Variants in LYPLA1 observed in about 807,000 individuals in gnomAD.
LYPLA1 encodes acyl-protein thioesterase 1.
In LYPLA1, 17 loss-of-function variants were observed where a neutral mutation model predicts 34.0. The ratio of observed to expected loss-of-function variants is 0.50; its 90% CI spans 0.34 to 0.75. LYPLA1 has a LOEUF of 0.75. LYPLA1 is among the 30% of genes least tolerant of loss of function. LYPLA1 has a pLI of 0.01. For synonymous variants in LYPLA1, 98 were observed against 100.8 expected (o/e 0.97, Z 0.17); for missense variants, 203 against 288.8 (o/e 0.70, Z 2.15).
intron 2 of LYPLA1, among the ~76,000 whole-genome samples, chr8:54,100,031 T>C (rs1475590684): frequency 1.3e-5 from 2 of 152,170 alleles, no homozygotes; most frequent in African/African-American, 4.8e-5. Context: ...GGCTACTTTA[T>C]CAAAATTTAT....
chr8:54,043,283 TTTTTTA>T (rs1358305206), downstream of LYPLA1: 2 of 151,994 alleles, frequency 1.3e-5, no homozygotes, highest in African/African-American at 2.4e-5. Context: ...CAAATCTGCA[TTTTTTA>T]TTTTTGAGAC....
At chr8:54,073,233 G>C (rs1481267375) in intron 2 of LYPLA1, 5 of 844,362 alleles carry the variant, frequency 5.9e-6, no homozygotes, top group East Asian at 4.9e-5. Context: ...AGGACAGTAA[G>C]GAACTAAACA....
intron 2 of LYPLA1, among the ~76,000 whole-genome samples, chr8:54,067,996 AT>A (rs1182018145): frequency 6.6e-6 from 1 of 151,990 alleles, no homozygotes; most frequent in Middle Eastern, 3.2e-3. Flanking sequence ...CCCCTGTTAA[AT>A]ACTTTTCTAT....
chr8:54,043,447 T>C (rs572951770), downstream of LYPLA1, among the ~76,000 whole-genome samples: 354 of 151,984 alleles, frequency 2.3e-3, no homozygotes, highest in African/African-American at 8.1e-3. Context: ...GGCTAATTTT[T>C]GTATTTTTAG....
At chr8:54,088,316 A>T (rs892379174) in intron 2 of LYPLA1, among the ~76,000 whole-genome samples, 6 of 152,242 alleles carry the variant, frequency 3.9e-5, no homozygotes, top group African/African-American at 1.4e-4. Flanking sequence ...GAAAATCTTT[A>T]AAGAGGGACC....
At chr8:54,101,647 G>C in intron 1 of LYPLA1, 108 bp downstream of exon 1, 2 of 1,157,388 alleles carry the variant, frequency 1.7e-6, no homozygotes, top group Non-Finnish European at 2.1e-6. Context: ...CGGGAGGAGC[G>C]TCCTCGTCCG....
intron 3 of LYPLA1, among the ~76,000 whole-genome samples, chr8:54,065,024 A>G (rs1412073283): frequency 6.6e-6 from 1 of 152,164 alleles, no homozygotes; most frequent in Non-Finnish European, 1.5e-5. Flanking sequence ...CAGAATTCAA[A>G]ACAATACCTA....
intron 6 of LYPLA1, chr8:54,053,301 T>G: frequency 4.3e-6 from 1 of 234,450 alleles, no homozygotes; most frequent in Non-Finnish European, 8.7e-6. Context: ...TCCATGTTGG[T>G]TAGGCTGGTC....
At chr8:54,094,872 A>C (rs536180635) in intron 2 of LYPLA1, among the ~76,000 whole-genome samples, 19 of 152,358 alleles carry the variant, frequency 1.2e-4, no homozygotes, top group South Asian at 6.2e-4. Flanking sequence ...ATCAAAATAA[A>C]TAACTAACTT....
intron 2 of LYPLA1, chr8:54,100,317 C>G (rs1810023423): frequency 6.5e-6 from 1 of 152,776 alleles, no homozygotes; most frequent in African/African-American, 2.4e-5. Flanking sequence ...CAACTGCACT[C>G]CAGCCTGGGC....
chr8:54,077,514 G>T (rs1807995188), intron 2 of LYPLA1, among the ~76,000 whole-genome samples: 1 of 152,136 alleles, frequency 6.6e-6, no homozygotes, highest in African/African-American at 2.4e-5. Context: ...TAAAAAAGTA[G>T]TCTGGGCACG....
At chr8:54,070,142 C>T (rs559681438) in intron 2 of LYPLA1, among the ~76,000 whole-genome samples, 27 of 152,138 alleles carry the variant, frequency 1.8e-4, no homozygotes, top group African/African-American at 2.9e-4. Flanking sequence ...AGGTCTATAC[C>T]GAAGAATAGT....
At chr8:54,075,871 G>A (rs1226548226) in intron 2 of LYPLA1, among the ~76,000 whole-genome samples, 2 of 152,170 alleles carry the variant, frequency 1.3e-5, no homozygotes, top group East Asian at 3.9e-4. Context: ...TAGGAAGATT[G>A]CACTGCAGAA....
At chr8:54,087,009 A>G (rs1272300702) in intron 2 of LYPLA1, among the ~76,000 whole-genome samples, 1 of 152,188 alleles carries the variant, frequency 6.6e-6, no homozygotes, top group Non-Finnish European at 1.5e-5. Context: ...AATAAATACA[A>G]TACACCATTT....
At chr8:54,056,743 T>C (rs1251963897) in intron 5 of LYPLA1, among the ~76,000 whole-genome samples, 1 of 152,142 alleles carries the variant, frequency 6.6e-6, no homozygotes, top group African/African-American at 2.4e-5. Flanking sequence ...TGAAACCCCG[T>C]ATCTACTACA....
chr8:54,048,383 G>A (rs1805617878), intron 8 of LYPLA1, among the ~76,000 whole-genome samples: 1 of 152,120 alleles, frequency 6.6e-6, no homozygotes, highest in Non-Finnish European at 1.5e-5. Context: ...GACACTGGGG[G>A]GCAGGGAAGT....
chr8:54,101,515 G>A (rs1810151412), intron 1 of LYPLA1: 5 of 1,134,646 alleles, frequency 4.4e-6, no homozygotes, highest in Admixed American at 9.7e-5. Context: ...GGGTCCCGGG[G>A]CCACACTTCC....
At chr8:54,045,274 T>C (rs1324140862), downstream of LYPLA1, among the ~76,000 whole-genome samples, 1 of 152,240 alleles carries the variant, frequency 6.6e-6, no homozygotes, top group Non-Finnish European at 1.5e-5. Flanking sequence ...GTTAAGAGGA[T>C]TTAAAACTAT....
intron 5 of LYPLA1, among the ~76,000 whole-genome samples, chr8:54,060,193 T>C (rs1806498360): frequency 6.6e-6 from 1 of 152,154 alleles, no homozygotes; most frequent in Non-Finnish European, 1.5e-5. Context: ...CAGTGGGATC[T>C]CAGCTCACTG....
Sources: allele counts gnomAD v4.1 joint callset (sites outside exome capture counted in the v4.1 genomes callset), GRCh38; gene constraint gnomAD v4.1.1; transcripts MANE v1.5; gene names NCBI Gene and HGNC (gene_info 2026-07-23, HGNC 2026-07-21).